The following DLG4 variants were observed in gnomAD, a reference collection of about 807,000 sequenced individuals.
DLG4 encodes the protein discs large MAGUK scaffold protein 4, also known as disks large homolog 4.
Under a neutral mutation model 93.8 loss-of-function variants are expected in DLG4, and 7 were observed. The observed-to-expected ratio is 0.07, with a 90% CI of 0.04 to 0.14. The LOEUF (loss-of-function observed/expected upper bound fraction) is 0.14. Among genes scored for constraint, DLG4 ranks in the 10% least tolerant of loss-of-function variants. DLG4 has a pLI of 1.00. For missense variants in DLG4, 545 were observed against 992.9 expected (o/e 0.55, Z 6.06); for synonymous variants, 341 against 387.6 (o/e 0.88, Z 1.41).
chr17:7,217,755 A>G, upstream of DLG4: 1 of 1,535,348 alleles, frequency 6.5e-7, no homozygotes, highest in Non-Finnish European at 8.7e-7. Context: ...GCAGAAGCAC[A>G]GAGGCCCCTG....
chr17:7,201,877 A>G lies in DLG4; in HGVS notation c.787+1026T>C, dbSNP rs139933151. The stretch of plus-strand genomic sequence containing the variant: ...GCCTGGGCAAGAAGAGCGAAACTCC[A>G]TTTCAAGAAAAAAATTAAAATTAAA... On this transcript the variant is annotated intron_variant, in intron 8 of 19. Coordinates refer to ENST00000399506, the MANE Select transcript of DLG4 (RefSeq NM_001321075.3). Among the ~76,000 whole-genome samples, 22 of 152,274 alleles carry G rather than the reference A, an allele frequency of 1.4e-4. No individual in the cohort carries two copies. In the East Asian group the frequency reaches 4.1e-3, roughly 28 times the overall value.
At chr17:7,199,389 C>T (rs2069991961) in intron 8 of DLG4, among the ~76,000 whole-genome samples, 1 of 151,908 alleles carries the variant, frequency 6.6e-6, no homozygotes, top group Middle Eastern at 3.4e-3. Flanking sequence ...TTAGTAGAGA[C>T]GGGGTTTCGC....
In DLG4 at chr17:7,187,317, G is replaced by GT. The variant is rs1312679359; in HGVS notation, c.*3390_*3391insA. ...CACTTTGGGAGGCCGAGGGGGGGGG[G>GT]GGTGGATCACCCGAGGTCAGGAGTT... is the stretch of plus-strand genomic sequence containing the variant. On this transcript the variant is annotated 3_prime_UTR_variant, in exon 20 of 20. Coordinates refer to ENST00000399506, the MANE Select transcript of DLG4 (RefSeq NM_001321075.3). Among the ~76,000 whole-genome samples, 3 of 117,712 alleles carry GT rather than the reference G, an allele frequency of 2.5e-5. No homozygotes were observed. Among genetic ancestry groups the GT allele is most frequent in the East Asian group, 5.5e-4 (2 of 3,640 alleles). 77.2% of individuals were successfully genotyped at this position (117,712 alleles called of 152,430 possible).
rs186210536 is a variant in DLG4, at chr17:7,204,587, G to C, written c.97-335C>G. On this transcript the variant is annotated intron_variant, in intron 2 of 19. Coordinates refer to ENST00000399506, the MANE Select transcript of DLG4 (RefSeq NM_001321075.3). ...CAGCAGATGGCAAAGAGTGGGGAGA[G>C]GGGGGTAGGCTTGGGGGAAGGGAGC... is the stretch of plus-strand genomic sequence containing the variant. Among the ~76,000 whole-genome samples the C allele has an allele frequency of 5.0e-3, 755 of 152,108 alleles. 1 individual carries two copies. Among genetic ancestry groups the C allele is most frequent in the Non-Finnish European group, 7.7e-3 (524 of 67,954 alleles).
Position 7,190,647 on chromosome 17 carries a change from G to T in DLG4, c.*61C>A. 1 of 1,393,358 alleles carries T rather than the reference G, an allele frequency of 7.2e-7. No individual in the cohort carries two copies. Among genetic ancestry groups the T allele is most frequent in the Non-Finnish European group, 1.0e-6 (1 of 979,258 alleles). 86.3% of individuals were successfully genotyped at this position (1,393,358 alleles called of 1,614,324 possible). A position where few individuals can be genotyped will look rare whatever the true frequency, so the allele number is the denominator to read the frequency against. ...GGGAGCCAAGGGCTTGGGCAATTCAGTCCAGACCAAGGGCCCAGGTGATGG... is the reference window on the plus strand; with the variant it reads ...GGGAGCCAAGGGCTTGGGCAATTCATTCCAGACCAAGGGCCCAGGTGATGG... On this transcript the variant is annotated 3_prime_UTR_variant, in exon 20 of 20. Coordinates refer to ENST00000399506, the MANE Select transcript of DLG4 (RefSeq NM_001321075.3).
chr17:7,203,058 G>C lies in DLG4; in HGVS notation c.643-11C>G, dbSNP rs528303400. ...CCCCACACTGTTGACCTGGAGTCAA[G>C]GAAAGCAAAGCTCAGACAAAGCCAC... On this transcript the variant is annotated splice_polypyrimidine_tract_variant and intron_variant, in intron 7 of 19. Coordinates refer to ENST00000399506, the MANE Select transcript of DLG4 (RefSeq NM_001321075.3). The surrounding 1 kb of genome is among the most constrained non-coding windows in gnomAD (Gnocchi z 7.2). 151 of 1,596,508 alleles carry C rather than the reference G, an allele frequency of 9.5e-5. 3 individuals are homozygous for C. In the South Asian group the frequency reaches 1.6e-3, roughly 17 times the overall value.
Position 7,189,551 on chromosome 17 carries a change from T to A in DLG4, c.*1157A>T, listed in dbSNP as rs917974731. 1.3e-5 allele frequency among the ~76,000 whole-genome samples: 2 copies of A among 152,106 alleles called. No homozygotes were observed. The highest frequency in any genetic ancestry group is 2.9e-5 in the Non-Finnish European group (2 of 68,016). On this transcript the variant is annotated 3_prime_UTR_variant, in exon 20 of 20. Coordinates refer to ENST00000399506, the MANE Select transcript of DLG4 (RefSeq NM_001321075.3). ...GATCCTAGCTCTGTCCACAACTCCATGAACATGAATGAACGAAGTTTCCTC... is the reference window on the plus strand; with the variant it reads ...GATCCTAGCTCTGTCCACAACTCCAAGAACATGAATGAACGAAGTTTCCTC...
At chr17:7,218,140 G>T, upstream of DLG4, 2 of 1,125,742 alleles carry the variant, frequency 1.8e-6, no homozygotes, top group Non-Finnish European at 2.6e-6. Flanking sequence ...GCTTTTGTCA[G>T]CAGGGCCCCC....
rs368049901 is a variant in DLG4 at position 7,196,339 on chromosome 17, G to A, written c.1187-5C>T. The A allele has an allele frequency of 6.8e-6, 11 of 1,613,764 alleles. No individual in the cohort carries two copies. The African/African-American group carries it at 8.0e-5, about 12-fold the overall frequency. ...TGGCCTCGAATCGGCTGTACTCTGA[G>A]GAAGGACAGGGAGGTTTCTGAGCTC... On this transcript the variant is annotated splice_polypyrimidine_tract_variant and splice_region_variant and intron_variant, in intron 10 of 19. Transcript: ENST00000399506. This position sits in a 1 kb window ranked among gnomAD's most constrained non-coding sequence, Gnocchi z 8.3.
Position 7,194,072 on chromosome 17 carries a change from C to G in DLG4, c.1479-72G>C. On this transcript the variant is annotated intron_variant, in intron 12 of 19. Transcript: ENST00000399506. This position sits in a 1 kb window ranked among gnomAD's most constrained non-coding sequence, Gnocchi z 4.4. ...CTGCCACCCCCATGCTCTGAGCCAG[C>G]TGACAACCCCTTCTCCATACTCTGG... 2 of 1,563,944 alleles carry G rather than the reference C, an allele frequency of 1.3e-6. No individual in the cohort carries two copies. Among genetic ancestry groups the G allele is most frequent in the East Asian group, 4.6e-5 (2 of 43,136 alleles).
chr17:7,193,968 G>C lies in DLG4; in HGVS notation c.1511C>G (p.Ala504Gly). The change falls in exon 13 of 20, where the codon GCC (alanine) becomes GGC (glycine). Residue 504 changes from alanine to glycine, a missense_variant. Ala to Gly is a moderately conservative substitution (Grantham distance 60). Coordinates refer to ENST00000399506, the MANE Select transcript of DLG4 (RefSeq NM_001321075.3). This position sits in a 1 kb window ranked among gnomAD's most constrained non-coding sequence, Gnocchi z 6.7. ...VERREWSRLK[A>G]KDWGSSSGSQ... ...CTCACACCCTCCTCCACCTACCTTG[G>C]CCTTTAACCTTGACCACTCTCGTCG... The C allele has an allele frequency of 1.2e-6, 2 of 1,613,630 alleles. No individual in the cohort carries two copies. Among genetic ancestry groups the C allele is most frequent in the Non-Finnish European group, 8.5e-7 (1 of 1,179,698 alleles).
At chr17:7,217,080 A>G in intron 1 of DLG4, 38 bp downstream of exon 1, 2 of 1,260,288 alleles carry the variant, frequency 1.6e-6, no homozygotes, top group Non-Finnish European at 2.0e-6. Context: ...ACAAACTCAT[A>G]CCCTCCCCCC....
chr17:7,216,242 C>G (rs147340812), intron 1 of DLG4, among the ~76,000 whole-genome samples: 12 of 152,214 alleles, frequency 7.9e-5, no homozygotes, highest in Non-Finnish European at 1.8e-4. Flanking sequence ...GCTCTTCTCC[C>G]TCTCTCTTGA....
chr17:7,218,177 T>G, upstream of DLG4: 1 of 1,427,912 alleles, frequency 7.0e-7, no homozygotes, highest in Non-Finnish European at 9.7e-7. Flanking sequence ...TTAGTGATAT[T>G]TGGCTCACCC....
Position 7,191,155 on chromosome 17 carries a change from G to A in DLG4, c.2068+112C>T, listed in dbSNP as rs1029670917. ...GATTACAGGCGTGAGCCACCATGCCGCGCCCACAGGGGCACCTCTTTCTAA... is the reference window on the plus strand; with the variant it reads ...GATTACAGGCGTGAGCCACCATGCCACGCCCACAGGGGCACCTCTTTCTAA... On this transcript the variant is annotated intron_variant, in intron 19 of 19. Transcript: ENST00000399506. This position sits in a 1 kb window ranked among gnomAD's most constrained non-coding sequence, Gnocchi z 6.6. The A allele has an allele frequency of 2.2e-4, 213 of 969,154 alleles. No homozygotes were observed. The highest frequency in any genetic ancestry group is 2.8e-4 in the Non-Finnish European group (180 of 631,600). 60.0% of individuals were successfully genotyped at this position (969,154 alleles called of 1,614,324 possible).
At chr17:7,211,699 T>C (rs1567550032) in intron 1 of DLG4, 21 of 954,264 alleles carry the variant, frequency 2.2e-5, no homozygotes, top group Admixed American at 7.5e-5. Flanking sequence ...CGAGCCGACA[T>C]GGAGAAGGGG....
At chr17:7,206,215 G>A (rs940056952) in intron 2 of DLG4, among the ~76,000 whole-genome samples, 26 of 151,964 alleles carry the variant, frequency 1.7e-4, no homozygotes, top group African/African-American at 6.3e-4. Context: ...TCAGCCTCCT[G>A]AGTAGCTACA....
Position 7,196,180 on chromosome 17 carries a change from C to T in DLG4, c.1301+40G>A, listed in dbSNP as rs774783952. On this transcript the variant is annotated intron_variant, in intron 11 of 19. Coordinates refer to ENST00000399506, the MANE Select transcript of DLG4 (RefSeq NM_001321075.3). This position sits in a 1 kb window ranked among gnomAD's most constrained non-coding sequence, Gnocchi z 8.3. ...GGGCCAGGCACAGAGTGCCCAGGAA[C>T]GCAGAGGGGCTGAGGAGTCCAGCCC... is the stretch of plus-strand genomic sequence containing the variant. 2.7e-5 allele frequency: 41 copies of T among 1,517,312 alleles called. No homozygotes were observed. The highest frequency in any genetic ancestry group is 3.4e-5 in the South Asian group (3 of 88,438). The allele number at this position is 1,517,312 out of a possible 1,614,324, so 94.0% of individuals were successfully genotyped here. A position where few individuals can be genotyped will look rare whatever the true frequency, so the allele number is the denominator to read the frequency against.
chr17:7,192,976 C>G lies in DLG4; in HGVS notation c.1835G>C (p.Ser612Thr). The change falls in exon 17 of 20, where the codon AGC (serine) becomes ACC (threonine). Residue 612 changes from serine to threonine, a missense_variant. By Grantham distance (58) the Ser-to-Thr change is moderately conservative (BLOSUM62 1). Transcript: ENST00000399506. ...GQYNSHLYGT[S>T]VQSVREVAEQ... ...TGCCACCTCTCGCACGGACTGGACG[C>G]TGGTCCCATAGAGGTGGCTGTTGTA... is the stretch of plus-strand genomic sequence containing the variant. The G allele has an allele frequency of 6.2e-7, 1 of 1,613,666 alleles. No homozygotes were observed. Among genetic ancestry groups the G allele is most frequent in the Non-Finnish European group, 8.5e-7 (1 of 1,179,704 alleles).
Sources: gnomAD v4.1 joint callset for allele counts (sites outside exome capture counted in the v4.1 genomes callset) on GRCh38, gnomAD v4.1.1 for gene constraint, Gnocchi (gnomAD v3.1) non-coding constraint, MANE v1.5 for transcripts, NCBI Gene and HGNC (gene_info 2026-07-23, HGNC 2026-07-21) for gene names.